The following SLC2A2 variants were observed in gnomAD, a reference collection of about 807,000 sequenced individuals.
SLC2A2 encodes solute carrier family 2 member 2, also known as solute carrier family 2, facilitated glucose transporter member 2.
In SLC2A2, 36 loss-of-function variants were observed where a neutral mutation model predicts 54.5. That is an observed-to-expected ratio of 0.66 (90% CI 0.51 to 0.87). The LOEUF is 0.87. Among genes scored for constraint, SLC2A2 ranks in the 40% least tolerant of loss-of-function variants. The pLI, the probability that SLC2A2 is intolerant of heterozygous loss-of-function variation, is 0.00. For synonymous variants in SLC2A2, 223 were observed against 219.1 expected, an observed-to-expected ratio of 1.02 and a Z score of -0.16; for missense variants, 543 against 624.3, an observed-to-expected ratio of 0.87 and a Z score of 1.39.
rs1716259178 is a variant in SLC2A2, at chr3:171,018,479, T to C, written c.108+52A>G. Reference sequence around the variant, plus strand: ...CTCTGTGTATGAGGAACATATGATATCTATCACTGACAGAACTTGCCAAAA... The same window carrying C: ...CTCTGTGTATGAGGAACATATGATACCTATCACTGACAGAACTTGCCAAAA... On this transcript the variant is annotated intron_variant, in intron 2 of 10. Coordinates refer to ENST00000314251, the MANE Select transcript of SLC2A2 (RefSeq NM_000340.2). 5.8e-6 allele frequency: 7 copies of C among 1,204,158 alleles called. No homozygotes were observed. The East Asian group carries it at 1.4e-4, about 24-fold the overall frequency. 74.6% of individuals were successfully genotyped at this position (1,204,158 alleles called of 1,614,324 possible).
At chr3:171,018,384 C>A in intron 2 of SLC2A2, 147 bp downstream of exon 2, 1 of 727,096 alleles carries the variant, frequency 1.4e-6, no homozygotes, top group South Asian at 1.4e-5. Context: ...AAGTTATCAG[C>A]TTTGGAACAG....
intron 1 of SLC2A2, among the ~76,000 whole-genome samples, chr3:171,021,906 C>G (rs188109412): frequency 5.8e-4 from 88 of 152,324 alleles, no homozygotes; most frequent in African/African-American, 2.0e-3. Context: ...TTACATCTCT[C>G]TGGCACTGAC....
intron 2 of SLC2A2, among the ~76,000 whole-genome samples, chr3:171,017,388 C>T (rs998989790): frequency 3.3e-5 from 5 of 152,158 alleles, no homozygotes; most frequent in African/African-American, 1.2e-4. Flanking sequence ...ATTGTAGCAC[C>T]TAATCGGAGC....
chr3:171,009,803 G>A (rs1010479485), intron 4 of SLC2A2, among the ~76,000 whole-genome samples, 155 bp downstream of exon 4: 1 of 151,770 alleles, frequency 6.6e-6, no homozygotes, highest in African/African-American at 2.4e-5. Flanking sequence ...TCCCAACTCA[G>A]GATTTCAACT....
At chr3:171,018,500 C>A in intron 2 of SLC2A2, 31 bp downstream of exon 2, 1 of 1,491,578 alleles carries the variant, frequency 6.7e-7, no homozygotes, top group South Asian at 1.1e-5. Flanking sequence ...CAGAACTTGC[C>A]AAAAAGAGAA....
At chr3:171,024,960 T>C (rs894473393) in intron 1 of SLC2A2, among the ~76,000 whole-genome samples, 6 of 152,196 alleles carry the variant, frequency 3.9e-5, no homozygotes, top group Non-Finnish European at 7.3e-5. Flanking sequence ...TTAATGATAG[T>C]TTTGAATGAA....
At chr3:171,026,535 G>T (rs745980842) in intron 1 of SLC2A2, 121 bp downstream of exon 1, 51 of 841,048 alleles carry the variant, frequency 6.1e-5, no homozygotes, top group Non-Finnish European at 9.9e-5. Flanking sequence ...AAAGTAAAGA[G>T]AATTAATTTT....
intron 6 of SLC2A2, 103 bp downstream of exon 6, chr3:171,005,840 T>G: frequency 8.2e-7 from 1 of 1,219,386 alleles, no homozygotes; most frequent in South Asian, 1.2e-5. Context: ...ATTTTGCACA[T>G]TCTTCTTACA....
rs371899639 is a variant in SLC2A2, at chr3:171,005,396, C to T, written c.852G>A (p.Ser284=). ...GAATTATAGAGACTTTCTGCTCACT[C>T]GATGCTTCTTCTCTTTCTTTTCTCA... ...NEMRKEREEA[S]SEQKVSIIQL... is the part of the protein sequence containing the mutation. The change falls in exon 7 of 11, where the codon TCG becomes TCA. Residue 284 remains serine (S), a synonymous_variant. Transcript: ENST00000314251. The T allele has an allele frequency of 4.0e-5, 65 of 1,612,492 alleles. 1 individual carries two copies. Among genetic ancestry groups the T allele is most frequent in the Middle Eastern group, 1.6e-4 (1 of 6,080 alleles).
chr3:171,014,526 G>A lies in SLC2A2; in HGVS notation c.314C>T (p.Ala105Val), dbSNP rs1399091893. Residue 105 changes from alanine to valine, a missense_variant, in exon 3 of 11, where the codon GCA becomes GTA. Physicochemically the swap from Ala to Val is moderately conservative, Grantham distance 64. Around this residue, in one of 3 missense-constraint regions of SLC2A2, gnomAD observed 318 missense variants for 343.8 expected, o/e 0.93. Coordinates refer to ENST00000314251, the MANE Select transcript of SLC2A2 (RefSeq NM_000340.2). ...MLWSLSVSSF[A>V]VGGMTASFFG... ...GAATGATGCAGTCATTCCACCAACT[G>A]CAAAGCTGGATACAGACAGGGACCA... is the stretch of plus-strand genomic sequence containing the variant. The A allele has an allele frequency of 3.7e-6, 6 of 1,613,968 alleles. No homozygotes were observed. The highest frequency in any genetic ancestry group is 4.2e-6 in the Non-Finnish European group (5 of 1,179,990).
chr3:170,999,560 C>G (rs1715251933), intron 8 of SLC2A2, among the ~76,000 whole-genome samples: 1 of 152,082 alleles, frequency 6.6e-6, no homozygotes, highest in South Asian at 2.1e-4. Flanking sequence ...TTAAACATGA[C>G]ATTAACTTAT....
Position 171,014,585 on chromosome 3 carries a change from C to T in SLC2A2, c.255G>A (p.Glu85=), listed in dbSNP as rs751960655. 5 of 1,614,194 alleles carry T rather than the reference C, an allele frequency of 3.1e-6. No homozygotes were observed. The highest frequency in any genetic ancestry group is 2.5e-6 in the Non-Finnish European group (3 of 1,180,030). The change falls in exon 3 of 11, where the codon GAG becomes GAA. Residue 85 remains glutamate, a synonymous_variant. Coordinates refer to ENST00000314251, the MANE Select transcript of SLC2A2 (RefSeq NM_000340.2). ...NPKPTPWAEE[E]TVAAAQLITM... is the part of the protein sequence containing the mutation. ...TGATTAGTTGAGCAGCTGCCACAGT[C>T]TCTTCCTCAGCCCAAGGGGTTGGTT...
chr3:171,005,849 C>CATT, intron 6 of SLC2A2, 94 bp downstream of exon 6: 4 of 1,283,164 alleles, frequency 3.1e-6, no homozygotes, highest in Non-Finnish European at 4.5e-6. Context: ...ATTCTTCTTA[C>CATT]ATTTAATCAC....
At chr3:171,017,347 C>G (rs1158826282) in intron 2 of SLC2A2, among the ~76,000 whole-genome samples, 1 of 152,172 alleles carries the variant, frequency 6.6e-6, no homozygotes, top group Non-Finnish European at 1.5e-5. Flanking sequence ...GCACTATGCC[C>G]TGGATCTCTC....
chr3:171,024,443 C>T (rs182143328), intron 1 of SLC2A2, among the ~76,000 whole-genome samples: 1 of 152,278 alleles, frequency 6.6e-6, no homozygotes, highest in Admixed American at 6.5e-5. Context: ...GAACCGAGAG[C>T]TGATGGTCTT....
At chr3:171,005,879 C>A in intron 6 of SLC2A2, 64 bp downstream of exon 6, 1 of 1,474,528 alleles carries the variant, frequency 6.8e-7, no homozygotes. Flanking sequence ...GTGGAAAGCA[C>A]TGTTTTACAT....
intron 8 of SLC2A2, among the ~76,000 whole-genome samples, chr3:171,001,508 T>C (rs1298618504): frequency 6.6e-6 from 1 of 152,018 alleles, no homozygotes; most frequent in Non-Finnish European, 1.5e-5. Context: ...TTGATCTGGG[T>C]AGCCAGGCTG....
Position 170,998,114 on chromosome 3 carries a change from A to G in SLC2A2, c.1375-11T>C, listed in dbSNP as rs753829919. ...AGGTCCACAGAAGTCCTGGATAGAA[A>G]GCAAACACAGACTTTGAGTTAGCAG... is the stretch of plus-strand genomic sequence containing the variant. On this transcript the variant is annotated splice_polypyrimidine_tract_variant and intron_variant, in intron 10 of 10. Transcript: ENST00000314251. 3.7e-6 allele frequency: 6 copies of G among 1,613,582 alleles called. No individual in the cohort carries two copies. The highest frequency in any genetic ancestry group is 5.1e-6 in the Non-Finnish European group (6 of 1,179,716).
intron 8 of SLC2A2, among the ~76,000 whole-genome samples, chr3:171,001,690 T>A (rs1395332961): frequency 1.4e-4 from 21 of 152,182 alleles, no homozygotes; most frequent in Non-Finnish European, 1.5e-5. Context: ...ACTCTCATTC[T>A]ACAGTGAATT....
Sources: gnomAD v4.1 joint callset for allele counts (sites outside exome capture counted in the v4.1 genomes callset) on GRCh38, gnomAD v4.1.1 for gene constraint, gnomAD v4.1.1 regional missense constraint, MANE v1.5 for transcripts, NCBI Gene and HGNC (gene_info 2026-07-23, HGNC 2026-07-21) for gene names.